SYN1: variants seen among roughly 807,000 people sequenced by gnomAD.
The protein encoded by SYN1 is synapsin-1.
A neutral mutation model predicts 44.6 loss-of-function variants in SYN1; 8 were observed. The ratio of observed to expected loss-of-function variants is 0.18; its 90% CI spans 0.11 to 0.32. The LOEUF is 0.32. Among genes scored for constraint, SYN1 ranks in the 10% least tolerant of loss-of-function variants. The probability of loss-of-function intolerance (pLI) is 1.00; values close to 1 mark genes in which losing one functional copy is unlikely to be tolerated. For synonymous variants in SYN1, 275 were observed against 280.1 expected, an observed-to-expected ratio of 0.98 and a Z score of 0.18; for missense variants, 451 against 639.4, an observed-to-expected ratio of 0.71 and a Z score of 3.18.
chrX:47,576,908 G>A (rs1038299605), intron 6 of SYN1, among the ~76,000 whole-genome samples: 3 of 111,708 alleles, frequency 2.7e-5, no homozygotes, highest in African/African-American at 9.8e-5. Flanking sequence ...TAGGGTGTGT[G>A]AACTATCTCT....
intron 5 of SYN1, among the ~76,000 whole-genome samples, chrX:47,580,379 G>A (rs1004255077): frequency 3.2e-4 from 35 of 108,674 alleles, no homozygotes; most frequent in Admixed American, 5.8e-4. Flanking sequence ...GCATGTAATC[G>A]CAGCACTTTG....
chrX:47,607,059 T>C, intron 2 of SYN1, 23 bp from the exon 3 acceptor site: 1 of 1,208,276 alleles, frequency 8.3e-7, no homozygotes, highest in Non-Finnish European at 1.1e-6. Flanking sequence ...AAAAAACTGG[T>C]GATTCACCTA....
intron 5 of SYN1, among the ~76,000 whole-genome samples, chrX:47,587,158 A>G (rs1234842715): frequency 8.8e-6 from 1 of 113,115 alleles, no homozygotes; most frequent in Non-Finnish European, 1.9e-5. Flanking sequence ...GCCAGCTGAC[A>G]GAGTCATTGA....
At chrX:47,616,679 G>A (rs1220597840) in intron 1 of SYN1, among the ~76,000 whole-genome samples, 1 of 112,198 alleles carries the variant, frequency 8.9e-6, no homozygotes, top group Non-Finnish European at 1.9e-5. Flanking sequence ...AGAAAAAAGC[G>A]GAGAAGCCTG....
At chrX:47,587,555 G>A (rs1315256387) in intron 5 of SYN1, 4 of 113,129 alleles carry the variant, frequency 3.5e-5, no homozygotes, top group Non-Finnish European at 7.5e-5. Flanking sequence ...ATGAAATGCA[G>A]GTAGGGTTCA....
At chrX:47,605,100 C>A (rs1055574971) in intron 4 of SYN1, 33 bp from the exon 5 acceptor site, 1 of 1,201,108 alleles carries the variant, frequency 8.3e-7, no homozygotes, top group Admixed American at 2.2e-5. Context: ...GTCAGTGAGT[C>A]CTTCACCACG....
intron 5 of SYN1, among the ~76,000 whole-genome samples, chrX:47,603,761 C>T (rs1250931312): frequency 1.8e-5 from 2 of 109,778 alleles, no homozygotes; most frequent in African/African-American, 6.6e-5. Context: ...CAGCAATAAT[C>T]TTTGATGCTA....
intron 5 of SYN1, among the ~76,000 whole-genome samples, chrX:47,600,150 T>A (rs2057875451): frequency 9.0e-6 from 1 of 110,844 alleles, no homozygotes; most frequent in East Asian, 2.8e-4. Context: ...AAGACTTCAA[T>A]ATCTCATTTA....
At chrX:47,593,191 C>CAT (rs2057853612) in intron 5 of SYN1, among the ~76,000 whole-genome samples, 2 of 109,688 alleles carry the variant, frequency 1.8e-5, no homozygotes, top group Non-Finnish European at 3.8e-5. Flanking sequence ...ACCGTGCTCA[C>CAT]CCTTAATGTG....
intron 5 of SYN1, among the ~76,000 whole-genome samples, chrX:47,604,539 C>T (rs894683932): frequency 8.9e-5 from 10 of 111,860 alleles, no homozygotes; most frequent in Non-Finnish European, 1.5e-4. Flanking sequence ...GCATGAGCCA[C>T]CGTGCCTTGC....
At chrX:47,586,742 A>G (rs1237886822) in intron 5 of SYN1, 1 of 1,154,296 alleles carries the variant, frequency 8.7e-7, no homozygotes, top group East Asian at 3.0e-5. Flanking sequence ...CCCTGTTCCC[A>G]CTCCCATCTT....
intron 3 of SYN1, 58 bp from the exon 4 acceptor site, chrX:47,605,437 G>A (rs1017700740): frequency 1.1e-5 from 13 of 1,175,220 alleles, no homozygotes; most frequent in East Asian, 9.1e-5. Flanking sequence ...AATCACTCTC[G>A]AAACAAAGAC....
At chrX:47,584,810 C>A in intron 5 of SYN1, 1 of 528,121 alleles carries the variant, frequency 1.9e-6, no homozygotes, top group Non-Finnish European at 3.1e-6. Context: ...ACTTTGTGTG[C>A]TGTCTGGCAT....
intron 12 of SYN1, among the ~76,000 whole-genome samples, chrX:47,573,252 C>T (rs1285892722): frequency 9.0e-6 from 1 of 111,323 alleles, no homozygotes; most frequent in Non-Finnish European, 1.9e-5. Context: ...GGACTTGGAT[C>T]CAGGGTGAAG....
At chrX:47,582,161 C>T (rs1208187059) in intron 5 of SYN1, among the ~76,000 whole-genome samples, 1 of 112,362 alleles carries the variant, frequency 8.9e-6, no homozygotes, top group Non-Finnish European at 1.9e-5. Context: ...GGAAATGCGG[C>T]CTCTAAGCTC....
intron 5 of SYN1, among the ~76,000 whole-genome samples, chrX:47,594,976 C>T (rs910475003): frequency 1.8e-5 from 2 of 111,399 alleles, no homozygotes; most frequent in Non-Finnish European, 3.8e-5. Flanking sequence ...ATCCGCCTGC[C>T]TCAGCCTCCC....
intron 1 of SYN1, among the ~76,000 whole-genome samples, chrX:47,616,405 A>C (rs2057931536): frequency 8.9e-6 from 1 of 111,926 alleles, no homozygotes. Flanking sequence ...ATTTGTGATT[A>C]TGGAAAGGGG....
At chrX:47,607,241 G>T (rs1317201070) in intron 1 of SYN1, 43 bp from the exon 2 acceptor site, 13 of 1,168,860 alleles carry the variant, frequency 1.1e-5, no homozygotes, top group Non-Finnish European at 1.5e-5. Flanking sequence ...TGAAATCTCA[G>T]AAGGGAAGAC....
intron 5 of SYN1, among the ~76,000 whole-genome samples, chrX:47,603,793 C>G (rs1603069700): frequency 9.2e-6 from 1 of 109,058 alleles, no homozygotes. Flanking sequence ...TATTCAATTT[C>G]TACTAGAAAC....
Sources: allele counts gnomAD v4.1 joint callset (sites outside exome capture counted in the v4.1 genomes callset), GRCh38; gene constraint gnomAD v4.1.1; transcripts MANE v1.5; gene names NCBI Gene and HGNC (gene_info 2026-07-23, HGNC 2026-07-21).